WHRN: variants seen among roughly 807,000 people sequenced by gnomAD.
WHRN encodes the protein CASK-interacting protein CIP98.
A neutral mutation model predicts 68.3 loss-of-function variants in WHRN; 41 were observed. The observed-to-expected ratio is 0.60, with a 90% confidence interval of 0.47 to 0.78. WHRN has a LOEUF of 0.78. Ranked by LOEUF, WHRN falls within the 30% of genes least tolerant of loss-of-function variation. WHRN has a pLI of 0.00. For missense variants in WHRN, 1,243 were observed against 1,244.7 expected, an observed-to-expected ratio of 1.00 and a Z score of 0.02; for synonymous variants, 560 against 561.3, an observed-to-expected ratio of 1.00 and a Z score of 0.03.
Position 114,402,647 on chromosome 9 carries a change from C to A in WHRN, c.*107G>T. 7.0e-7 allele frequency: 1 copy of A among 1,420,470 alleles called. No homozygotes were observed. Among genetic ancestry groups the A allele is most frequent in the South Asian group, 1.2e-5 (1 of 86,620 alleles). The allele number at this position is 1,420,470 out of a possible 1,614,324, so 88.0% of individuals were successfully genotyped here. A position where few individuals can be genotyped will look rare whatever the true frequency, so the allele number is the denominator to read the frequency against. On this transcript the variant is annotated 3_prime_UTR_variant, in exon 12 of 12. Coordinates refer to ENST00000362057, the MANE Select transcript of WHRN (RefSeq NM_015404.4). ...ATGGAGGGGGGATGTCTTCCTGCCA[C>A]CCTGGCCATGCAGCCCCAACCCCGC... is the stretch of plus-strand genomic sequence containing the variant.
intron 2 of WHRN, among the ~76,000 whole-genome samples, chr9:114,473,391 G>A (rs13302509): frequency 4.7e-4 from 71 of 152,306 alleles, no homozygotes; most frequent in African/African-American, 1.5e-3. Context: ...CGGACCCAAA[G>A]AGCCAGAGCC....
At chr9:114,454,528 G>A (rs1299353123) in intron 3 of WHRN, among the ~76,000 whole-genome samples, 1 of 152,056 alleles carries the variant, frequency 6.6e-6, no homozygotes, top group Admixed American at 6.5e-5. Flanking sequence ...AACAAAATAT[G>A]TGTAGTTTCT....
chr9:114,408,119 C>T (rs553270257), intron 7 of WHRN, 101 bp from the exon 8 acceptor site: 1 of 937,640 alleles, frequency 1.1e-6, no homozygotes, highest in Admixed American at 2.0e-5. Context: ...TAGGACACCT[C>T]CATGTGGTTC....
At chr9:114,424,623 C>T in intron 5 of WHRN, 77 bp from the exon 6 acceptor site, 1 of 1,451,900 alleles carries the variant, frequency 6.9e-7, no homozygotes, top group Non-Finnish European at 9.4e-7. Flanking sequence ...CCCCCTCTGC[C>T]CTTCCATCCT....
intron 1 of WHRN, among the ~76,000 whole-genome samples, chr9:114,494,460 A>G (rs1843276076): frequency 6.6e-6 from 1 of 152,240 alleles, no homozygotes; most frequent in African/African-American, 2.4e-5. Context: ...TATTCCCATT[A>G]CAATTTCACT....
intron 7 of WHRN, among the ~76,000 whole-genome samples, 179 bp downstream of exon 7, chr9:114,423,135 C>T (rs1176261613): frequency 6.6e-6 from 1 of 152,070 alleles, no homozygotes; most frequent in Non-Finnish European, 1.5e-5. Flanking sequence ...GCCTAGCATG[C>T]AGTAGACATT....
chr9:114,504,140 C>T, intron 1 of WHRN, 44 bp downstream of exon 1: 1 of 1,613,598 alleles, frequency 6.2e-7, no homozygotes. Flanking sequence ...CTGTGCCACT[C>T]TGTCCATACT....
At chr9:114,435,073 C>T (rs555163270) in intron 3 of WHRN, among the ~76,000 whole-genome samples, 2 of 152,306 alleles carry the variant, frequency 1.3e-5, no homozygotes, top group South Asian at 4.1e-4. Flanking sequence ...GGTCTTGGCT[C>T]CAATGACACC....
intron 3 of WHRN, among the ~76,000 whole-genome samples, chr9:114,451,629 A>T (rs1839345207): frequency 1.3e-5 from 2 of 152,024 alleles, no homozygotes; most frequent in Admixed American, 6.5e-5. Context: ...ACAAAGCAGT[A>T]AATTCAAGCT....
At chr9:114,481,619 C>A (rs1250138696) in intron 1 of WHRN, among the ~76,000 whole-genome samples, 1 of 152,226 alleles carries the variant, frequency 6.6e-6, no homozygotes, top group African/African-American at 2.4e-5. Context: ...CCTCCTGCTC[C>A]CTCTTCCATG....
chr9:114,437,090 G>A (rs769024619), intron 3 of WHRN, among the ~76,000 whole-genome samples: 3 of 152,062 alleles, frequency 2.0e-5, no homozygotes, highest in Non-Finnish European at 2.9e-5. Flanking sequence ...ACAGACAGGC[G>A]GTGAAACAGA....
At chr9:114,471,529 G>T (rs1841220520) in intron 2 of WHRN, among the ~76,000 whole-genome samples, 4 of 152,216 alleles carry the variant, frequency 2.6e-5, no homozygotes, top group Admixed American at 6.5e-5. Flanking sequence ...CTTGGGAAAA[G>T]CCCTGTTGCT....
chr9:114,424,381 C>T lies in WHRN; in HGVS notation c.1369G>A (p.Glu457Lys), dbSNP rs1836610758. 6.2e-7 allele frequency: 1 copy of T among 1,612,420 alleles called. No individual in the cohort carries two copies. The highest frequency in any genetic ancestry group is 1.3e-5 in the African/African-American group (1 of 74,868). ...DEYRGGSVSV[E>K]ALVMALFKLL... is the part of the protein sequence containing the mutation. The stretch of plus-strand genomic sequence containing the variant: ...TTGAACAGGGCCATGACGAGGGCCT[C>T]CACAGAGACGCTGCCACCACGGTAC... The change falls in exon 6 of 12, where the codon GAG becomes AAG. Residue 457 changes from glutamate to lysine, a missense_variant. Physicochemically the swap from Glu to Lys is moderately conservative, Grantham distance 56. Coordinates refer to ENST00000362057, the MANE Select transcript of WHRN (RefSeq NM_015404.4).
chr9:114,464,271 A>C (rs1840481293), intron 3 of WHRN, among the ~76,000 whole-genome samples: 1 of 152,260 alleles, frequency 6.6e-6, no homozygotes, highest in Admixed American at 6.5e-5. Flanking sequence ...AACAATGATG[A>C]TAATGATGTT....
At position 114,403,328 on chromosome 9, in the gene WHRN, C is replaced by T. The variant is rs751733035; in HGVS notation, c.2430G>A (p.Leu810=). Residue 810 remains leucine, a synonymous_variant, in exon 11 of 12, where the codon CTG becomes CTA. Coordinates refer to ENST00000362057, the MANE Select transcript of WHRN (RefSeq NM_015404.4). ...TDGANKPPGL[L]EPTSTLVRVK... Reference sequence around the variant, plus strand: ...CACGGACCAGAGTGGACGTGGGCTCCAGAAGTCCAGGCTGTGGGTATTAGG... The same window carrying T: ...CACGGACCAGAGTGGACGTGGGCTCTAGAAGTCCAGGCTGTGGGTATTAGG... 3 of 1,614,034 alleles carry T rather than the reference C, an allele frequency of 1.9e-6. No individual in the cohort carries two copies. Among genetic ancestry groups the T allele is most frequent in the South Asian group, 2.2e-5 (2 of 91,088 alleles).
chr9:114,424,872 G>A (rs1174011791), intron 5 of WHRN, 116 bp downstream of exon 5: 6 of 1,171,948 alleles, frequency 5.1e-6, no homozygotes, highest in South Asian at 3.7e-5. Flanking sequence ...GGGCAGATAA[G>A]GGGCTGCCCA....
intron 3 of WHRN, among the ~76,000 whole-genome samples, chr9:114,450,370 C>A (rs1839213103): frequency 6.6e-6 from 1 of 152,102 alleles, no homozygotes; most frequent in South Asian, 2.1e-4. Context: ...TTATTCCATC[C>A]CAGAGGGACA....
chr9:114,472,831 A>AT (rs2133060491), intron 2 of WHRN, among the ~76,000 whole-genome samples: 1 of 152,342 alleles, frequency 6.6e-6, no homozygotes, highest in East Asian at 1.9e-4. Flanking sequence ...CTCTGTGCTT[A>AT]TAAGCCTTGA....
chr9:114,468,631 G>A (rs959332617), intron 2 of WHRN, among the ~76,000 whole-genome samples: 3 of 152,116 alleles, frequency 2.0e-5, no homozygotes, highest in Admixed American at 2.0e-4. Context: ...CCTTAGTCCA[G>A]GACCAGCCCC....
Sources: gnomAD v4.1 joint callset for allele counts (sites outside exome capture counted in the v4.1 genomes callset) on GRCh38, gnomAD v4.1.1 for gene constraint, MANE v1.5 for transcripts, NCBI Gene and HGNC (gene_info 2026-07-23, HGNC 2026-07-21) for gene names.